The following LYZL6 variants were observed in gnomAD, a reference collection of about 807,000 sequenced individuals.
LYZL6 encodes lysozyme-like protein 6.
Under a neutral mutation model 15.0 loss-of-function variants are expected in LYZL6, and 21 were observed. The ratio of observed to expected loss-of-function variants is 1.40; its 90% CI spans 1.00 to 2.02. LYZL6 has a LOEUF of 2.02. Ranked by LOEUF, LYZL6 falls within the 30% of genes most tolerant of loss-of-function variation. The pLI is 0.00. For synonymous variants in LYZL6, 72 were observed against 67.8 expected, an observed-to-expected ratio of 1.06 and a Z score of -0.31; for missense variants, 173 against 180.5, an observed-to-expected ratio of 0.96 and a Z score of 0.24.
At chr17:35,938,245 A>G (rs1331637989) in intron 2 of LYZL6, among the ~76,000 whole-genome samples, 1 of 152,172 alleles carries the variant, frequency 6.6e-6, no homozygotes, top group Non-Finnish European at 1.5e-5. Context: ...CTGTATTACA[A>G]GCTTAAAAAT....
chr17:35,942,427 G>A (rs916622811), intron 1 of LYZL6, among the ~76,000 whole-genome samples: 3 of 152,098 alleles, frequency 2.0e-5, no homozygotes, highest in Admixed American at 1.3e-4. Context: ...TCTTCCACCC[G>A]CCGCCTTCAA....
intron 3 of LYZL6, among the ~76,000 whole-genome samples, chr17:35,937,514 C>T (rs908923806): frequency 2.0e-5 from 3 of 152,218 alleles, no homozygotes; most frequent in Non-Finnish European, 4.4e-5. Flanking sequence ...TTGGCTGCTG[C>T]AACTGTTCTA....
chr17:35,942,000 G>A (rs990822751), intron 1 of LYZL6, among the ~76,000 whole-genome samples: 10 of 152,234 alleles, frequency 6.6e-5, no homozygotes, highest in Non-Finnish European at 1.3e-4. Context: ...CGGACAGAGG[G>A]ACATTGTGTG....
intron 4 of LYZL6, 63 bp downstream of exon 4, chr17:35,936,691 CT>C (rs1281166169): frequency 6.8e-7 from 1 of 1,464,744 alleles, no homozygotes; most frequent in East Asian, 2.3e-5. Context: ...GCCTACTGCC[CT>C]TTTCTCTGTC....
rs987205366 is a variant in LYZL6, at chr17:35,938,394, C to A, written c.140-478G>T. ...CAGCACTTTGGGAGGCTGAGGCGGG[C>A]GGATCACGAGGTCAGGAGATCGAGA... On this transcript the variant is annotated intron_variant, in intron 2 of 4. Coordinates refer to ENST00000615905, the MANE Select transcript of LYZL6 (RefSeq NM_020426.4). Among the ~76,000 whole-genome samples the A allele has an allele frequency of 5.9e-5, 9 of 151,846 alleles. No homozygotes were observed. The South Asian group carries it at 1.9e-3, about 32-fold the overall frequency.
rs758603622 is a variant in LYZL6, at chr17:35,939,916, ATGTG to A, written c.-202-362_-202-359del. Among the ~76,000 whole-genome samples the A allele has an allele frequency of 3.9e-5, 6 of 152,252 alleles. No homozygotes were observed. In the East Asian group the frequency reaches 1.2e-3, roughly 29 times the overall value. ...TACTGAAGACTATCTTCACCAGCATATGTGTGTGTGTATCTGAGCATGTGCTTTT... is the reference window on the plus strand; with the variant it reads ...TACTGAAGACTATCTTCACCAGCATATGTGTGTATCTGAGCATGTGCTTTT... On this transcript the variant is annotated intron_variant, in intron 1 of 4. Coordinates refer to ENST00000615905, the MANE Select transcript of LYZL6 (RefSeq NM_020426.4).
chr17:35,940,512 G>A (rs2089417479), intron 1 of LYZL6, among the ~76,000 whole-genome samples: 1 of 152,312 alleles, frequency 6.6e-6, no homozygotes, highest in South Asian at 2.1e-4. Context: ...CAGCATTATT[G>A]AGATATAATT....
chr17:35,936,768 C>A lies in LYZL6; in HGVS notation c.364G>T (p.Gly122Trp). ...CAKRIVSGAR[G>W]MNNWVEWRLH... ...TGTCCTCCTCACCAGTTGTTCATCCCCCGTGCTCCGGACACAATCCTTTTT... is the reference window on the plus strand; with the variant it reads ...TGTCCTCCTCACCAGTTGTTCATCCACCGTGCTCCGGACACAATCCTTTTT... Residue 122 changes from glycine (G) to tryptophan (W), a missense_variant, in exon 4 of 5, where the codon GGG (glycine) becomes TGG (tryptophan). Transcript: ENST00000615905. 6.2e-7 allele frequency: 1 copy of A among 1,613,690 alleles called. No individual in the cohort carries two copies. Among genetic ancestry groups the A allele is most frequent in the South Asian group, 1.1e-5 (1 of 91,090 alleles).
rs1598703357 is a variant in LYZL6, at chr17:35,934,658, G to C, written c.*138C>G. The C allele has an allele frequency of 4.0e-6, 3 of 753,092 alleles. No homozygotes were observed. The East Asian group carries it at 8.2e-5, about 21-fold the overall frequency. The allele number at this position is 753,092 out of a possible 1,614,324, so 46.7% of individuals were successfully genotyped here. A position where few individuals can be genotyped will look rare whatever the true frequency, so the allele number is the denominator to read the frequency against. ...GAAGCCAAGAAAACCATTTATTCCT[G>C]GGGCTCTGGTCAGTTTTAGTTGTAA... On this transcript the variant is annotated 3_prime_UTR_variant, in exon 5 of 5. Coordinates refer to ENST00000615905, the MANE Select transcript of LYZL6 (RefSeq NM_020426.4).
At chr17:35,938,372 C>G (rs1295391059) in intron 2 of LYZL6, among the ~76,000 whole-genome samples, 5 of 152,258 alleles carry the variant, frequency 3.3e-5, no homozygotes, top group Admixed American at 6.5e-5. Context: ...GTAATCCCAG[C>G]ACTTTGGGAG....
chr17:35,940,049 C>A (rs2089413218), intron 1 of LYZL6, among the ~76,000 whole-genome samples: 1 of 152,120 alleles, frequency 6.6e-6, no homozygotes, highest in African/African-American at 2.4e-5. Flanking sequence ...TGGTACAATT[C>A]TTGGTGGGCT....
chr17:35,935,262 C>T (rs2141964366), intron 4 of LYZL6, among the ~76,000 whole-genome samples: 1 of 152,244 alleles, frequency 6.6e-6, no homozygotes, highest in African/African-American at 2.4e-5. Flanking sequence ...GGATTTGACT[C>T]CTTCCACAGT....
intron 4 of LYZL6, among the ~76,000 whole-genome samples, chr17:35,935,752 C>G (rs1481244640): frequency 6.6e-6 from 1 of 151,468 alleles, no homozygotes; most frequent in Non-Finnish European, 1.5e-5. Context: ...GACTTTGTGA[C>G]CCACCCACCT....
intron 3 of LYZL6, among the ~76,000 whole-genome samples, chr17:35,937,542 C>T (rs2280784): frequency 0.74 from 112,804 of 152,128 alleles, 42,028 homozygotes; most frequent in South Asian, 0.84. Flanking sequence ...CAGCTGTATA[C>T]GGAGCCTTCC....
At chr17:35,938,705 CA>C (rs2089399368) in intron 2 of LYZL6, among the ~76,000 whole-genome samples, 1 of 151,330 alleles carries the variant, frequency 6.6e-6, no homozygotes, top group Non-Finnish European at 1.5e-5. Flanking sequence ...AACTCCTGGG[CA>C]AAAGGGAGAT....
In LYZL6 at chr17:35,937,752, C is replaced by A. The variant is rs2089387206; in HGVS notation, c.298+6G>T. ...CATCTCTCCCACCCTGGGGCCCTGG[C>A]CAGACCTTGACAGTCTACGTGGCAA... is the stretch of plus-strand genomic sequence containing the variant. On this transcript the variant is annotated splice_donor_region_variant and intron_variant, in intron 3 of 4. Transcript: ENST00000615905. The A allele has an allele frequency of 1.9e-6, 3 of 1,613,478 alleles. No homozygotes were observed. The highest frequency in any genetic ancestry group is 2.5e-6 in the Non-Finnish European group (3 of 1,179,628).
intron 4 of LYZL6, 101 bp from the exon 5 acceptor site, chr17:35,934,966 A>G: frequency 9.5e-7 from 1 of 1,054,508 alleles, no homozygotes; most frequent in Non-Finnish European, 1.4e-6. Context: ...AACGCCCAGA[A>G]TCCCCGTCAT....
rs1204284955 is a variant in LYZL6 at position 35,934,876 on chromosome 17, A to G, written c.378-11T>C. On this transcript the variant is annotated splice_polypyrimidine_tract_variant and intron_variant, in intron 4 of 4. Coordinates refer to ENST00000615905, the MANE Select transcript of LYZL6 (RefSeq NM_020426.4). Reference sequence around the variant, plus strand: ...AACCTCCATTCTACCCTGCGGAGAAAAAAGACATGGTTCTTGCCTCACACT... The same window carrying G: ...AACCTCCATTCTACCCTGCGGAGAAGAAAGACATGGTTCTTGCCTCACACT... The G allele has an allele frequency of 6.2e-7, 1 of 1,614,006 alleles. No homozygotes were observed. The highest frequency in any genetic ancestry group is 8.5e-7 in the Non-Finnish European group (1 of 1,179,922).
At chr17:35,941,277 T>C (rs929956439) in intron 1 of LYZL6, among the ~76,000 whole-genome samples, 13 of 152,266 alleles carry the variant, frequency 8.5e-5, no homozygotes, top group Non-Finnish European at 1.9e-4. Flanking sequence ...TATGTGCTTA[T>C]TGGCCACTGT....
Sources: gnomAD v4.1 joint callset for allele counts (sites outside exome capture counted in the v4.1 genomes callset) on GRCh38, gnomAD v4.1.1 for gene constraint, MANE v1.5 for transcripts, NCBI Gene and HGNC (gene_info 2026-07-23, HGNC 2026-07-21) for gene names.